The following IPO8 variants were observed in gnomAD, a reference collection of about 807,000 sequenced individuals.
The protein encoded by IPO8 is importin-8.
Under a neutral mutation model 141.2 loss-of-function variants are expected in IPO8, and 65 were observed. The observed-to-expected ratio is 0.46, with a 90% CI of 0.38 to 0.57. IPO8 has a LOEUF of 0.57. IPO8 is among the 20% of genes least tolerant of loss of function. The pLI is 0.00. For synonymous variants in IPO8, 411 were observed against 420.3 expected (o/e 0.98, Z 0.27); for missense variants, 980 against 1,246.8 (o/e 0.79, Z 3.22).
chr12:30,654,103 A>G (rs747890108), intron 17 of IPO8, among the ~76,000 whole-genome samples: 45 of 152,064 alleles, frequency 3.0e-4, no homozygotes, highest in Non-Finnish European at 5.2e-4. Flanking sequence ...ACAATGGAGA[A>G]AGGACAGTCT....
Position 30,630,647 on chromosome 12 carries a change from A to C in IPO8, c.*213T>G. 1.9e-6 allele frequency: 1 copy of C among 513,102 alleles called. No individual in the cohort carries two copies. The highest frequency in any genetic ancestry group is 3.4e-6 in the Non-Finnish European group (1 of 292,750). 31.8% of individuals were successfully genotyped at this position (513,102 alleles called of 1,614,324 possible). ...TCCGTCCAATGATTGTTTTTCTTTCATTTCATACTTACAGTAGCTGTTTAA... is the reference window on the plus strand; with the variant it reads ...TCCGTCCAATGATTGTTTTTCTTTCCTTTCATACTTACAGTAGCTGTTTAA... On this transcript the variant is annotated 3_prime_UTR_variant, in exon 25 of 25. Transcript: ENST00000256079.
chr12:30,669,451 A>C (rs1213758196), intron 9 of IPO8, among the ~76,000 whole-genome samples, 169 bp from the exon 10 acceptor site: 1 of 152,144 alleles, frequency 6.6e-6, no homozygotes, highest in Non-Finnish European at 1.5e-5. Flanking sequence ...TCTTATTTTG[A>C]AATTTTTTTT....
chr12:30,688,234 T>C (rs542095564), intron 2 of IPO8: 2 of 248,608 alleles, frequency 8.0e-6, no homozygotes, highest in East Asian at 1.3e-4. Flanking sequence ...ATTATGCTTA[T>C]CAACACCTCA....
At position 30,630,038 on chromosome 12, in the gene IPO8, A is replaced by G. The variant is rs538141259; in HGVS notation, c.*822T>C. ...TGCATAATTACATTATTCAGAATAT[A>G]CTCAGACTTACTGTTAACTCCAGTG... On this transcript the variant is annotated 3_prime_UTR_variant, in exon 25 of 25. Transcript: ENST00000256079. The G allele has an allele frequency of 6.6e-6, 1 of 152,254 alleles. No individual in the cohort carries two copies. Among genetic ancestry groups the G allele is most frequent in the Admixed American group, 6.5e-5 (1 of 15,298 alleles). 9.4% of individuals were successfully genotyped at this position (152,254 alleles called of 1,614,324 possible). A position where few individuals can be genotyped will look rare whatever the true frequency, so the allele number is the denominator to read the frequency against.
At chr12:30,664,847 C>T (rs1281745969) in intron 13 of IPO8, among the ~76,000 whole-genome samples, 1 of 152,158 alleles carries the variant, frequency 6.6e-6, no homozygotes, top group Non-Finnish European at 1.5e-5. Context: ...TCAAGCAATT[C>T]TCCTGGCTCA....
intron 4 of IPO8, 61 bp downstream of exon 4, chr12:30,681,598 C>A (rs2053188918): frequency 1.3e-6 from 2 of 1,502,790 alleles, no homozygotes; most frequent in Admixed American, 3.6e-5. Context: ...CCACTCTTTG[C>A]AACTTCATTA....
chr12:30,656,617 ATTATACTT>A (rs1287697408), intron 17 of IPO8, 59 bp downstream of exon 17: 2 of 899,064 alleles, frequency 2.2e-6, no homozygotes, highest in Non-Finnish European at 3.4e-6. Flanking sequence ...AAGGGCTAAA[ATTATACTT>A]TGAGTTCAAA....
rs770376784 is a variant in IPO8, at chr12:30,639,692, C to A, written c.2312G>T (p.Arg771Leu). ...FVQLVLERLT[R>L]GVKTSELRTM... ...ACGAAGCTCACTAGTTTTGACCCCT[C>A]GAGTTAATCTCTCCAAAACAAGTTG... is the stretch of plus-strand genomic sequence containing the variant. Residue 771 changes from arginine (R) to leucine (L), a missense_variant, in exon 21 of 25, where the codon CGA becomes CTA. Coordinates refer to ENST00000256079, the MANE Select transcript of IPO8 (RefSeq NM_006390.4). The A allele has an allele frequency of 6.2e-7, 1 of 1,613,954 alleles. No individual in the cohort carries two copies. The highest frequency in any genetic ancestry group is 8.5e-7 in the Non-Finnish European group (1 of 1,180,016).
intron 22 of IPO8, among the ~76,000 whole-genome samples, chr12:30,635,988 C>T (rs2052495808): frequency 6.6e-6 from 1 of 151,940 alleles, no homozygotes; most frequent in Admixed American, 6.6e-5. Context: ...AAGAATTCTA[C>T]AACTGTTGAC....
intron 15 of IPO8, 115 bp downstream of exon 15, chr12:30,662,212 A>G (rs2052897424): frequency 1.3e-6 from 1 of 768,018 alleles, no homozygotes; most frequent in Non-Finnish European, 2.1e-6. Flanking sequence ...TCATTGACTG[A>G]AATGTTGTTA....
At chr12:30,631,845 T>G (rs760850160) in intron 24 of IPO8, 50 bp downstream of exon 24, 68 of 1,235,586 alleles carry the variant, frequency 5.5e-5, no homozygotes, top group Admixed American at 2.4e-4. Context: ...TAAGGCTGTC[T>G]GTTGGCACTC....
rs373695343 is a variant in IPO8 at position 30,665,890 on chromosome 12, G to A, written c.1222-45C>T. ...CATTTAGTCTACATGAACTTTCATTGTCTTACTATAGTATTAACTATGATG... is the reference window on the plus strand; with the variant it reads ...CATTTAGTCTACATGAACTTTCATTATCTTACTATAGTATTAACTATGATG... On this transcript the variant is annotated intron_variant, in intron 11 of 24. Coordinates refer to ENST00000256079, the MANE Select transcript of IPO8 (RefSeq NM_006390.4). 26 of 1,285,374 alleles carry A rather than the reference G, an allele frequency of 2.0e-5. No individual in the cohort carries two copies. In the African/African-American group the frequency reaches 2.7e-4, roughly 13 times the overall value. The allele number at this position is 1,285,374 out of a possible 1,614,324, so 79.6% of individuals were successfully genotyped here.
At chr12:30,687,919 C>G (rs748877567) in intron 2 of IPO8, among the ~76,000 whole-genome samples, 1 of 151,952 alleles carries the variant, frequency 6.6e-6, no homozygotes, top group Non-Finnish European at 1.5e-5. Context: ...AATCAAAAAC[C>G]ATGCTATTTT....
rs1324088806 is a variant in IPO8, at chr12:30,695,207, C to T, written c.84+357G>A. The T allele has an allele frequency of 2.4e-6, 1 of 413,860 alleles. No individual in the cohort carries two copies. The highest frequency in any genetic ancestry group is 5.5e-5 in the East Asian group (1 of 18,056). 25.6% of individuals were successfully genotyped at this position (413,860 alleles called of 1,614,324 possible). ...AGATTTGAACTGTAAGTAAAATTCCCACCTGCTCCCCAAGTCCGCGCACTT... is the reference window on the plus strand; with the variant it reads ...AGATTTGAACTGTAAGTAAAATTCCTACCTGCTCCCCAAGTCCGCGCACTT... On this transcript the variant is annotated intron_variant, in intron 1 of 24. Transcript: ENST00000256079. This position sits in a 1 kb window ranked among gnomAD's most constrained non-coding sequence, Gnocchi z 4.2.
intron 19 of IPO8, among the ~76,000 whole-genome samples, chr12:30,650,846 A>C (rs1354519120): frequency 1.3e-5 from 2 of 152,052 alleles, no homozygotes; most frequent in African/African-American, 4.8e-5. Context: ...CTATTTCCTA[A>C]CCTCAGCATA....
chr12:30,678,893 G>C (rs1377535928), intron 5 of IPO8, among the ~76,000 whole-genome samples: 1 of 152,172 alleles, frequency 6.6e-6, no homozygotes, highest in Non-Finnish European at 1.5e-5. Context: ...AGGCTGCAGT[G>C]CAATGGTGCA....
At chr12:30,659,817 T>C (rs1168973480) in intron 16 of IPO8, among the ~76,000 whole-genome samples, 2 of 145,656 alleles carry the variant, frequency 1.4e-5, no homozygotes, top group East Asian at 4.0e-4. Flanking sequence ...ACTGAGCCAC[T>C]GCACTCCAGC....
intron 6 of IPO8, among the ~76,000 whole-genome samples, chr12:30,675,307 T>A (rs577530065): frequency 6.6e-6 from 1 of 152,330 alleles, no homozygotes; most frequent in South Asian, 2.1e-4. Context: ...AAACTTAGAA[T>A]TAAGTGTGTA....
rs145520152 is a variant in IPO8 at position 30,659,261 on chromosome 12, G to A, written c.1881+1880C>T. Among the ~76,000 whole-genome samples the A allele has an allele frequency of 2.6e-3, 403 of 152,186 alleles. 4 individuals are homozygous for A. The highest frequency in any genetic ancestry group is 8.6e-3 in the African/African-American group (359 of 41,546). The stretch of plus-strand genomic sequence containing the variant: ...TCCCAGCACTTTCAGAAGCCAAGGC[G>A]GGCATATCACTTCAGGTCAGCAGTT... On this transcript the variant is annotated intron_variant, in intron 16 of 24. Coordinates refer to ENST00000256079, the MANE Select transcript of IPO8 (RefSeq NM_006390.4).
Sources: gnomAD v4.1 joint callset for allele counts (sites outside exome capture counted in the v4.1 genomes callset) on GRCh38, gnomAD v4.1.1 for gene constraint, Gnocchi (gnomAD v3.1) non-coding constraint, MANE v1.5 for transcripts, NCBI Gene and HGNC (gene_info 2026-07-23, HGNC 2026-07-21) for gene names.